ATP2B2: variants seen among roughly 807,000 people sequenced by gnomAD.
The protein encoded by ATP2B2 is ATPase plasma membrane Ca2+ transporting 2.
Under a neutral mutation model 120.0 loss-of-function variants are expected in ATP2B2, and 15 were observed. The observed-to-expected ratio is 0.12, with a 90% CI of 0.08 to 0.19. ATP2B2 has a LOEUF of 0.19. Among genes scored for constraint, ATP2B2 ranks in the 10% least tolerant of loss-of-function variants. ATP2B2 has a pLI of 1.00. For synonymous variants in ATP2B2, 694 were observed against 700.3 expected (o/e 0.99, Z 0.14); for missense variants, 1,045 against 1,719.8 (o/e 0.61, Z 6.94).
chr3:10,459,535 G>A (rs2064398744), intron 1 of ATP2B2, among the ~76,000 whole-genome samples: 2 of 152,346 alleles, frequency 1.3e-5, no homozygotes, highest in South Asian at 2.1e-4. Flanking sequence ...CTGCTGCACT[G>A]AAATTCTTGA....
At chr3:10,691,590 G>A (rs954784804) in intron 1 of ATP2B2, among the ~76,000 whole-genome samples, 22 of 152,288 alleles carry the variant, frequency 1.4e-4, no homozygotes, top group African/African-American at 5.3e-4. Context: ...TCAGCTCCCC[G>A]ACTCTGGGCC....
chr3:10,437,642 G>A (rs1440273029), intron 2 of ATP2B2, among the ~76,000 whole-genome samples: 3 of 152,240 alleles, frequency 2.0e-5, no homozygotes, highest in Non-Finnish European at 2.9e-5. Context: ...TTACAGAAGC[G>A]AAAGCTTCAG....
chr3:10,680,262 G>A (rs1359574076), intron 1 of ATP2B2, among the ~76,000 whole-genome samples: 4 of 152,166 alleles, frequency 2.6e-5, no homozygotes, highest in African/African-American at 9.7e-5. Flanking sequence ...TGTAAAGTGG[G>A]AGGCTGCATG....
chr3:10,353,942 G>T (rs181649274), intron 14 of ATP2B2, among the ~76,000 whole-genome samples: 1 of 152,122 alleles, frequency 6.6e-6, no homozygotes, highest in Admixed American at 6.5e-5. Context: ...CAGAGCCCAC[G>T]CACAGGATGG....
At chr3:10,469,975 G>A (rs1243728563) in intron 1 of ATP2B2, among the ~76,000 whole-genome samples, 2 of 152,120 alleles carry the variant, frequency 1.3e-5, no homozygotes, top group Non-Finnish European at 2.9e-5. Context: ...AGGTGAGGGT[G>A]TCAGTATATA....
At chr3:10,690,019 C>G (rs1333696495) in intron 1 of ATP2B2, among the ~76,000 whole-genome samples, 2 of 152,230 alleles carry the variant, frequency 1.3e-5, no homozygotes, top group Non-Finnish European at 2.9e-5. Context: ...TGCCAGTCCA[C>G]CGCCTATCCC....
intron 3 of ATP2B2, among the ~76,000 whole-genome samples, chr3:10,515,237 C>T (rs1013858922): frequency 1.3e-5 from 2 of 152,096 alleles, no homozygotes; most frequent in Admixed American, 6.5e-5. Context: ...ACAATACCTG[C>T]AATTATGGGA....
intron 2 of ATP2B2, among the ~76,000 whole-genome samples, chr3:10,563,443 T>C (rs555696702): frequency 4.4e-4 from 67 of 152,338 alleles, no homozygotes; most frequent in African/African-American, 1.6e-3. Context: ...GTAAACAGGA[T>C]GTTATGTGGC....
chr3:10,514,494 T>C lies in ATP2B2; in HGVS notation c.-320+19545A>G, dbSNP rs116195661. ...GGGATCTGCCTTTGGGGCTGGTTTA[T>C]GTGGACTTGCGGCGCATCAGGGCTG... is the stretch of plus-strand genomic sequence containing the variant. On this transcript the variant is annotated intron_variant, in intron 3 of 21. Coordinates refer to the ATP2B2 transcript ENST00000646379. Among the ~76,000 whole-genome samples, 1,426 of 152,316 alleles carry C rather than the reference T, an allele frequency of 9.4e-3. 20 individuals are homozygous for C. The highest frequency in any genetic ancestry group is 0.033 in the African/African-American group (1,369 of 41,560).
At chr3:10,539,411 C>A (rs1444642299) in intron 2 of ATP2B2, among the ~76,000 whole-genome samples, 1 of 152,204 alleles carries the variant, frequency 6.6e-6, no homozygotes, top group African/African-American at 2.4e-5. Flanking sequence ...GCCCACATTT[C>A]TAAGACAATC....
rs143961473 is a variant in ATP2B2, at chr3:10,448,323, G to A, written c.199+1022C>T. ...CAGGTAGGCATTGGCCCATTTTCCA[G>A]GAGAAGAAAACTGAGGCTCGGTGCA... On this transcript the variant is annotated intron_variant, in intron 2 of 22. Coordinates refer to ENST00000360273, the MANE Select transcript of ATP2B2 (RefSeq NM_001001331.4). Among the ~76,000 whole-genome samples the A allele has an allele frequency of 1.0e-3, 156 of 152,326 alleles. 1 individual carries two copies. The highest frequency in any genetic ancestry group is 3.7e-3 in the African/African-American group (153 of 41,576).
At chr3:10,501,466 A>G (rs2066391903) in intron 1 of ATP2B2, among the ~76,000 whole-genome samples, 1 of 149,192 alleles carries the variant, frequency 6.7e-6, no homozygotes. Flanking sequence ...GACCTCCCGG[A>G]CTCAAGCGAT....
chr3:10,439,253 G>A (rs1245841913), intron 2 of ATP2B2, among the ~76,000 whole-genome samples: 1 of 152,248 alleles, frequency 6.6e-6, no homozygotes, highest in Non-Finnish European at 1.5e-5. Context: ...GTCTGAGCCT[G>A]GACAAGCCTC....
intron 3 of ATP2B2, among the ~76,000 whole-genome samples, chr3:10,521,777 G>A (rs541634671): frequency 5.9e-5 from 9 of 152,236 alleles, no homozygotes; most frequent in Non-Finnish European, 1.2e-4. Context: ...ACATTTGGAA[G>A]GAACAACAGC....
rs573524501 is a variant in ATP2B2, at chr3:10,662,395, GAAA to G, written c.-459-42437_-459-42435del. Among the ~76,000 whole-genome samples, 245 of 146,518 alleles carry G rather than the reference GAAA, an allele frequency of 1.7e-3. 1 individual carries two copies. The highest frequency in any genetic ancestry group is 6.3e-3 in the African/African-American group (231 of 36,956). On this transcript the variant is annotated intron_variant, in intron 1 of 21. Coordinates refer to the ATP2B2 transcript ENST00000646379. ...ACAAAGAACTCAAACAAATTTACAA[GAAA>G]AAAACAAACAACCCCATCAAAAAGT...
At chr3:10,496,774 A>G (rs1287163331) in intron 1 of ATP2B2, among the ~76,000 whole-genome samples, 8 of 152,330 alleles carry the variant, frequency 5.3e-5, no homozygotes, top group African/African-American at 1.9e-4. Flanking sequence ...TGGCTCCAAA[A>G]GGCTTGTTTC....
intron 12 of ATP2B2, among the ~76,000 whole-genome samples, chr3:10,368,141 G>C (rs1446441912): frequency 2.0e-5 from 3 of 152,074 alleles, no homozygotes; most frequent in African/African-American, 7.2e-5. Flanking sequence ...GGTCTCTACG[G>C]TTTGTGAGTC....
rs74879487 is a variant in ATP2B2, at chr3:10,326,717, C to T, written c.*2097G>A. The T allele has an allele frequency of 0.022, 8,919 of 399,004 alleles. 140 individuals are homozygous for T. Among genetic ancestry groups the T allele is most frequent in the Middle Eastern group, 0.051 (81 of 1,588 alleles). 24.7% of individuals were successfully genotyped at this position (399,004 alleles called of 1,614,324 possible). A position where few individuals can be genotyped will look rare whatever the true frequency, so the allele number is the denominator to read the frequency against. On this transcript the variant is annotated 3_prime_UTR_variant, in exon 23 of 23. Coordinates refer to ENST00000360273, the MANE Select transcript of ATP2B2 (RefSeq NM_001001331.4). ...GGATACATTCAGAGATACTTCTTCACGACATTCAGGTGATGCGCTCTTGAA... is the reference window on the plus strand; with the variant it reads ...GGATACATTCAGAGATACTTCTTCATGACATTCAGGTGATGCGCTCTTGAA...
rs199751966 is a variant in ATP2B2 at position 10,501,134 on chromosome 3, A to AC, written c.-320+4330dup. Among the ~76,000 whole-genome samples the AC allele has an allele frequency of 7.7e-3, 1,168 of 152,280 alleles. 15 individuals carry two copies. Among genetic ancestry groups the AC allele is most frequent in the African/African-American group, 0.027 (1,108 of 41,548 alleles). On this transcript the variant is annotated intron_variant, in intron 1 of 22. Transcript: ENST00000360273. Reference sequence around the variant, plus strand: ...CTGTGGCCCCTGCTCGGGCCTGGTCACTTGCCCTCCTGGTCCTGCCAGCCG... The same window carrying AC: ...CTGTGGCCCCTGCTCGGGCCTGGTCACCTTGCCCTCCTGGTCCTGCCAGCCG...
Sources: gnomAD v4.1 joint callset for allele counts (sites outside exome capture counted in the v4.1 genomes callset) on GRCh38, gnomAD v4.1.1 for gene constraint, MANE v1.5 for transcripts, NCBI Gene and HGNC (gene_info 2026-07-23, HGNC 2026-07-21) for gene names.